Variants in SIPA1L1 observed in about 807,000 individuals in gnomAD.
The protein encoded by SIPA1L1 is signal induced proliferation associated 1 like 1, also known as signal-induced proliferation-associated 1-like protein 1.
A neutral mutation model predicts 162.7 loss-of-function variants in SIPA1L1; 26 were observed. That is an observed-to-expected ratio of 0.16 (90% CI 0.12 to 0.22). The LOEUF (loss-of-function observed/expected upper bound fraction) is 0.22, where lower values mean the gene tolerates loss of function less well. SIPA1L1 is among the 10% of genes least tolerant of loss of function. The pLI is 1.00. For missense variants in SIPA1L1, 1,874 were observed against 2,241.0 expected (o/e 0.84, Z 3.31); for synonymous variants, 829 against 837.4 (o/e 0.99, Z 0.17).
rs1306589908 is a variant in SIPA1L1, at chr14:71,603,944, TATATATTTATATATATTTATATATAG to T, written c.1498+14600_1498+14625del. Among the ~76,000 whole-genome samples the T allele has an allele frequency of 9.2e-4, 132 of 143,978 alleles. 2 individuals carry two copies. In the East Asian group the frequency reaches 0.023, roughly 26 times the overall value. The allele number at this position is 143,978 out of a possible 152,430, so 94.5% of individuals were successfully genotyped here. Reference sequence around the variant, plus strand: ...AAATATATATATATTTATATATCTATATATATTTATATATATTTATATATAGATATATTTATATATATTTATATATA... The same window carrying T: ...AAATATATATATATTTATATATCTATATATATTTATATATATTTATATATA... On this transcript the variant is annotated intron_variant, in intron 5 of 23. Coordinates refer to ENST00000381232, the MANE Select transcript of SIPA1L1 (RefSeq NM_001386936.1).
At chr14:71,637,248 T>A (rs1439570110) in intron 7 of SIPA1L1, among the ~76,000 whole-genome samples, 1 of 151,926 alleles carries the variant, frequency 6.6e-6, no homozygotes, top group Non-Finnish European at 1.5e-5. Context: ...AACACGGTAG[T>A]CCCTCAGTAT....
chr14:71,735,439 C>A, intron 22 of SIPA1L1, 48 bp downstream of exon 22: 3 of 1,268,846 alleles, frequency 2.4e-6, no homozygotes, highest in Non-Finnish European at 2.3e-6. Context: ...GTCACATCTG[C>A]CACTGACTGC....
intron 1 of SIPA1L1, 108 bp from the exon 2 acceptor site, chr14:71,321,014 C>G (rs888870747): frequency 1.3e-5 from 2 of 152,238 alleles, no homozygotes; most frequent in African/African-American, 4.8e-5. Context: ...TCGGGCCCCC[C>G]TCCGCTCCGC....
At chr14:71,591,523 C>A (rs186967740) in intron 5 of SIPA1L1, among the ~76,000 whole-genome samples, 1 of 152,172 alleles carries the variant, frequency 6.6e-6, no homozygotes, top group African/African-American at 2.4e-5. Context: ...AAATCTAATA[C>A]CCACTAATCC....
rs370520354 is a variant in SIPA1L1 at position 71,552,980 on chromosome 14, C to T, written c.-303+23610C>T. ...GGAATTACATGTTCAGCTGCATCCC[C>T]GGCCTCTACCCACGAGATGCCAATA... On this transcript the variant is annotated intron_variant, in intron 4 of 23. Transcript: ENST00000381232. 2.6e-5 allele frequency among the ~76,000 whole-genome samples: 4 copies of T among 152,184 alleles called. No homozygotes were observed. The East Asian group carries it at 5.8e-4, about 22-fold the overall frequency.
chr14:71,646,423 G>A (rs1428905089), intron 7 of SIPA1L1, among the ~76,000 whole-genome samples: 4 of 152,086 alleles, frequency 2.6e-5, no homozygotes, highest in South Asian at 4.1e-4. Flanking sequence ...TGAGCCACCC[G>A]CCTCGGCCTC....
At chr14:71,402,779 A>G (rs1398991157) in intron 2 of SIPA1L1, among the ~76,000 whole-genome samples, 2 of 152,304 alleles carry the variant, frequency 1.3e-5, no homozygotes, top group South Asian at 2.1e-4. Flanking sequence ...AGACACTATC[A>G]TTATTATTTA....
chr14:71,685,981 T>C (rs988906921), intron 13 of SIPA1L1, among the ~76,000 whole-genome samples: 1 of 152,208 alleles, frequency 6.6e-6, no homozygotes, highest in African/African-American at 2.4e-5. Context: ...TTGACAGTCT[T>C]CATCATTTTG....
chr14:71,525,774 TC>T (rs1316594952), intron 3 of SIPA1L1, among the ~76,000 whole-genome samples: 1 of 152,218 alleles, frequency 6.6e-6, no homozygotes, highest in Non-Finnish European at 1.5e-5. Context: ...ATTTTTAATG[TC>T]CAAAAGGCAA....
At chr14:71,603,452 G>A (rs1747134872) in intron 5 of SIPA1L1, among the ~76,000 whole-genome samples, 1 of 151,802 alleles carries the variant, frequency 6.6e-6, no homozygotes, top group Non-Finnish European at 1.5e-5. Flanking sequence ...GTGATTTGGT[G>A]GTTTTCTTTT....
intron 2 of SIPA1L1, among the ~76,000 whole-genome samples, chr14:71,500,175 TA>T (rs1567111322): frequency 6.6e-6 from 1 of 151,968 alleles, no homozygotes; most frequent in Non-Finnish European, 1.5e-5. Flanking sequence ...TTCAACAAAA[TA>T]AAAATTAAGA....
intron 4 of SIPA1L1, among the ~76,000 whole-genome samples, chr14:71,531,606 C>T (rs2053453171): frequency 6.6e-6 from 1 of 151,906 alleles, no homozygotes; most frequent in Non-Finnish European, 1.5e-5. Context: ...ACTCTGTTGC[C>T]CAGGCGGGAG....
intron 2 of SIPA1L1, among the ~76,000 whole-genome samples, chr14:71,506,007 T>C (rs1211281664): frequency 2.1e-5 from 3 of 139,898 alleles, no homozygotes; most frequent in East Asian, 4.5e-4. Context: ...AATTCTGAAA[T>C]GCTTCTGGTC....
intron 4 of SIPA1L1, among the ~76,000 whole-genome samples, chr14:71,569,520 A>G (rs2031512687): frequency 6.6e-6 from 1 of 152,236 alleles, no homozygotes; most frequent in Non-Finnish European, 1.5e-5. Flanking sequence ...ATTCTTCTTC[A>G]GAGACACTGA....
rs370005381 is a variant in SIPA1L1, at chr14:71,650,459, G to A, written c.1943G>A (p.Arg648Gln). 147 of 1,613,944 alleles carry A rather than the reference G, an allele frequency of 9.1e-5. No homozygotes were observed. The highest frequency in any genetic ancestry group is 1.2e-4 in the Non-Finnish European group (142 of 1,179,934). ...GAATTTCTTCAACTATTGGGAGAGC[G>A]AGTTCGGCTCAAAGGATTTGAGAAG... Reference protein sequence around the residue: ...FEEFLQLLGERVRLKGFEKYR... With the variant: ...FEEFLQLLGEQVRLKGFEKYR... The change falls in exon 8 of 24, where the codon CGA (arginine) becomes CAA (glutamine). Residue 648 changes from arginine (R) to glutamine (Q), a missense_variant. This residue lies in a region of SIPA1L1 where 685 missense variants were observed against 828.0 expected (regional missense o/e 0.83). Transcript: ENST00000381232.
chr14:71,504,234 T>C (rs1168335346), intron 2 of SIPA1L1, among the ~76,000 whole-genome samples: 1 of 152,238 alleles, frequency 6.6e-6, no homozygotes, highest in Non-Finnish European at 1.5e-5. Flanking sequence ...AATGTCATTT[T>C]TCCTGTGCTG....
chr14:71,593,669 C>T (rs2035685517), intron 5 of SIPA1L1, among the ~76,000 whole-genome samples: 1 of 152,142 alleles, frequency 6.6e-6, no homozygotes, highest in Admixed American at 6.5e-5. Flanking sequence ...GTTTCTGTGG[C>T]CCCACAGGAC....
chr14:71,601,747 T>C (rs1412418520), intron 5 of SIPA1L1, among the ~76,000 whole-genome samples: 1 of 152,158 alleles, frequency 6.6e-6, no homozygotes, highest in Non-Finnish European at 1.5e-5. Context: ...TTTTTATTAC[T>C]GCATGATCTT....
chr14:71,359,895 C>T (rs189569286), intron 2 of SIPA1L1, among the ~76,000 whole-genome samples: 1 of 152,276 alleles, frequency 6.6e-6, no homozygotes, highest in Admixed American at 6.5e-5. Context: ...CAGAGATTCT[C>T]AGATACAGAC....
Sources: gnomAD v4.1 joint callset for allele counts (sites outside exome capture counted in the v4.1 genomes callset) on GRCh38, gnomAD v4.1.1 for gene constraint, gnomAD v4.1.1 regional missense constraint, MANE v1.5 for transcripts, NCBI Gene and HGNC (gene_info 2026-07-23, HGNC 2026-07-21) for gene names.